STK3: variants seen among roughly 807,000 people sequenced by gnomAD.
The protein encoded by STK3 is serine/threonine kinase 3, also known as serine/threonine-protein kinase 3.
A neutral mutation model predicts 58.0 loss-of-function variants in STK3; 41 were observed. The ratio of observed to expected loss-of-function variants is 0.71; its 90% CI spans 0.55 to 0.92. The LOEUF (loss-of-function observed/expected upper bound fraction) is 0.92. STK3 is among the 40% of genes least tolerant of loss of function. The pLI, the probability that STK3 is intolerant of heterozygous loss-of-function variation, is 0.00. For missense variants in STK3, 479 were observed against 602.7 expected (o/e 0.79, Z 2.15); for synonymous variants, 170 against 191.0 (o/e 0.89, Z 0.91).
intron 4 of STK3, among the ~76,000 whole-genome samples, chr8:98,740,263 G>C (rs993838382): frequency 2.0e-5 from 3 of 152,064 alleles, no homozygotes; most frequent in Admixed American, 6.6e-5. Context: ...GATACTCCTC[G>C]AGAAGAGCAA....
chr8:98,745,230 A>C (rs1829563769), intron 4 of STK3, among the ~76,000 whole-genome samples: 1 of 152,232 alleles, frequency 6.6e-6, no homozygotes, highest in African/African-American at 2.4e-5. Context: ...ATGTGGGAAT[A>C]CACCACCTCT....
chr8:98,417,797 A>G (rs1201598339), intron 3 of STK3, among the ~76,000 whole-genome samples: 1 of 152,180 alleles, frequency 6.6e-6, no homozygotes, highest in Non-Finnish European at 1.5e-5. Flanking sequence ...CGTCCCAGCC[A>G]AGCACCTGCC....
chr8:98,887,116 T>A (rs2131912292), intron 1 of STK3, among the ~76,000 whole-genome samples: 1 of 152,014 alleles, frequency 6.6e-6, no homozygotes, highest in East Asian at 1.9e-4. Flanking sequence ...AAAAAAGAAA[T>A]CATCATTTGG....
chr8:98,869,487 C>G (rs769896344), intron 3 of STK3, among the ~76,000 whole-genome samples: 4 of 151,994 alleles, frequency 2.6e-5, no homozygotes, highest in Non-Finnish European at 5.9e-5. Flanking sequence ...ATAATATGGG[C>G]AGGCCTTAAA....
At chr8:98,833,653 A>G (rs1400117337) in intron 3 of STK3, among the ~76,000 whole-genome samples, 1 of 152,164 alleles carries the variant, frequency 6.6e-6, no homozygotes, top group East Asian at 1.9e-4. Context: ...TTATTGCTAT[A>G]AAGAGTCTGT....
chr8:98,845,444 C>T (rs1836165560), intron 3 of STK3, among the ~76,000 whole-genome samples: 2 of 152,134 alleles, frequency 1.3e-5, no homozygotes, highest in African/African-American at 4.8e-5. Flanking sequence ...ACTGAGAATG[C>T]CATTCTTTTG....
chr8:98,527,534 C>T (rs1294415436), intron 9 of STK3, among the ~76,000 whole-genome samples: 1 of 152,072 alleles, frequency 6.6e-6, no homozygotes, highest in Non-Finnish European at 1.5e-5. Flanking sequence ...GCGGGAGGAT[C>T]ACTTGAGCCT....
intron 1 of STK3, among the ~76,000 whole-genome samples, chr8:98,901,478 A>T (rs1388111852): frequency 2.0e-5 from 3 of 152,250 alleles, no homozygotes; most frequent in African/African-American, 7.2e-5. Context: ...AGAAAAAGAA[A>T]GCCTGGGAGC....
At chr8:98,442,641 GAAT>G (rs541849355) in intron 1 of STK3, among the ~76,000 whole-genome samples, 74 of 152,176 alleles carry the variant, frequency 4.9e-4, no homozygotes, top group Non-Finnish European at 9.7e-4. Context: ...GCAGCATTAC[GAAT>G]AATATCATTT....
upstream of STK3, among the ~76,000 whole-genome samples, chr8:98,829,662 A>G (rs1016064847): frequency 3.9e-5 from 6 of 152,238 alleles, no homozygotes; most frequent in Admixed American, 3.9e-4. Flanking sequence ...TCTGTGTTCT[A>G]ATCCAGGCCT....
chr8:98,411,009 C>T (rs1818048821), intron 3 of STK3, among the ~76,000 whole-genome samples: 2 of 152,162 alleles, frequency 1.3e-5, no homozygotes, highest in African/African-American at 4.8e-5. Flanking sequence ...ATCACCACCC[C>T]CCAGAAAGTC....
chr8:98,593,572 T>C (rs1815522800), intron 7 of STK3, among the ~76,000 whole-genome samples: 1 of 152,146 alleles, frequency 6.6e-6, no homozygotes, highest in Admixed American at 6.5e-5. Flanking sequence ...AGATCAGCAG[T>C]GGTATTAGAT....
At chr8:98,934,195 AC>A (rs1564113806) in intron 1 of STK3, among the ~76,000 whole-genome samples, 1 of 152,178 alleles carries the variant, frequency 6.6e-6, no homozygotes, top group East Asian at 1.9e-4. Flanking sequence ...CAGTACAGGG[AC>A]TTTTCCACTA....
chr8:98,444,745 T>A (rs73699903), intron 1 of STK3, among the ~76,000 whole-genome samples: 1 of 152,168 alleles, frequency 6.6e-6, no homozygotes, highest in Non-Finnish European at 1.5e-5. Context: ...AAAATGCAGA[T>A]GTGAAGTTTT....
At chr8:98,609,105 A>G (rs1055453583) in intron 6 of STK3, among the ~76,000 whole-genome samples, 2 of 152,162 alleles carry the variant, frequency 1.3e-5, no homozygotes, top group African/African-American at 4.8e-5. Flanking sequence ...CCCTTCCGCA[A>G]GCATTATGCT....
At chr8:98,435,384 GA>G (rs1008039455) in intron 2 of STK3, among the ~76,000 whole-genome samples, 3 of 152,244 alleles carry the variant, frequency 2.0e-5, no homozygotes, top group Admixed American at 2.0e-4. Context: ...GCAAGGTGCA[GA>G]TGGGGGGCAG....
chr8:98,596,021 C>G lies in STK3; in HGVS notation c.822+11G>C, dbSNP rs377634083. 290 of 1,609,620 alleles carry G rather than the reference C, an allele frequency of 1.8e-4. No homozygotes were observed. The African/African-American group carries it at 2.8e-3, about 15-fold the overall frequency. ...AGAAAATATCCTTCCCTTCGAGGCA[C>G]AAGCACTGACCTGTAAAAGTTGTGT... On this transcript the variant is annotated intron_variant, in intron 7 of 10. Transcript: ENST00000419617.
At chr8:98,699,190 C>T (rs866045495) in intron 6 of STK3, among the ~76,000 whole-genome samples, 363 of 151,998 alleles carry the variant, frequency 2.4e-3, no homozygotes, top group Non-Finnish European at 3.6e-3. Flanking sequence ...ACGTAGTTCT[C>T]GAGCCTTGGC....
Position 98,467,710 on chromosome 8 carries a change from T to C in STK3, c.1318-11710A>G, listed in dbSNP as rs1309132463. ...CTCCACTACATGTTTATTCTGCATG[T>C]CTGATGATACATTTATTTCAATAAT... On this transcript the variant is annotated intron_variant, in intron 10 of 10. Coordinates refer to ENST00000419617, the MANE Select transcript of STK3 (RefSeq NM_006281.4). Among the ~76,000 whole-genome samples the C allele has an allele frequency of 6.6e-5, 10 of 152,238 alleles. No homozygotes were observed. The East Asian group carries it at 1.9e-3, about 29-fold the overall frequency.
Sources: allele counts gnomAD v4.1 joint callset (sites outside exome capture counted in the v4.1 genomes callset), GRCh38; gene constraint gnomAD v4.1.1; transcripts MANE v1.5; gene names NCBI Gene and HGNC (gene_info 2026-07-23, HGNC 2026-07-21).